The following PDZRN4 variants were observed in gnomAD, a reference collection of about 807,000 sequenced individuals.
The protein encoded by PDZRN4 is PDZ domain-containing RING finger protein 4.
PDZRN4 carries 70 observed loss-of-function variants against 99.0 expected under a neutral mutation model. The ratio of observed to expected loss-of-function variants is 0.71; its 90% CI spans 0.58 to 0.86. PDZRN4 has a LOEUF of 0.86. Ranked by LOEUF, PDZRN4 falls within the 40% of genes least tolerant of loss-of-function variation. PDZRN4 has a pLI of 0.00. For missense variants in PDZRN4, 1,474 were observed against 1,331.2 expected (o/e 1.11, Z -1.67); for synonymous variants, 551 against 501.6 (o/e 1.10, Z -1.32).
rs1474135370 is a variant in PDZRN4 at position 41,494,114 on chromosome 12, G to A, written c.844-12342G>A. Among the ~76,000 whole-genome samples the A allele has an allele frequency of 7.3e-5, 11 of 151,606 alleles. No individual in the cohort carries two copies. In the East Asian group the frequency reaches 1.8e-3, roughly 24 times the overall value. On this transcript the variant is annotated intron_variant, in intron 3 of 9. Transcript: ENST00000402685. Reference sequence around the variant, plus strand: ...CATAAGTTAGAACAATTATCCACACGGTTATGAATGGGGATCAGGCAGTCA... The same window carrying A: ...CATAAGTTAGAACAATTATCCACACAGTTATGAATGGGGATCAGGCAGTCA...
chr12:41,343,711 C>T (rs1951833542), intron 3 of PDZRN4, among the ~76,000 whole-genome samples: 1 of 126,452 alleles, frequency 7.9e-6, no homozygotes, highest in African/African-American at 2.6e-5. Context: ...TTGTATATTA[C>T]AAAAAGGCTA....
At chr12:41,361,507 T>C (rs1434212692) in intron 3 of PDZRN4, among the ~76,000 whole-genome samples, 1 of 152,008 alleles carries the variant, frequency 6.6e-6, no homozygotes, top group African/African-American at 2.4e-5. Context: ...CAAACCTGAT[T>C]TTATTAGTGT....
chr12:41,373,029 G>T (rs1417861499), intron 3 of PDZRN4, among the ~76,000 whole-genome samples: 1 of 152,120 alleles, frequency 6.6e-6, no homozygotes, highest in Non-Finnish European at 1.5e-5. Context: ...GACATCACAT[G>T]TCAGCAGGTT....
At chr12:41,230,599 G>A (rs762407194) in intron 3 of PDZRN4, among the ~76,000 whole-genome samples, 13 of 151,996 alleles carry the variant, frequency 8.6e-5, no homozygotes, top group Non-Finnish European at 1.9e-4. Flanking sequence ...AATAAGGATG[G>A]CCTGTTTTAA....
At chr12:41,564,388 C>G (rs1939326562) in intron 8 of PDZRN4, among the ~76,000 whole-genome samples, 2 of 152,230 alleles carry the variant, frequency 1.3e-5, no homozygotes, top group Admixed American at 1.3e-4. Flanking sequence ...CCTTTTATAT[C>G]CTTTTTATCT....
intron 3 of PDZRN4, among the ~76,000 whole-genome samples, chr12:41,237,787 G>C (rs1186535444): frequency 1.3e-5 from 2 of 152,062 alleles, no homozygotes; most frequent in Admixed American, 6.6e-5. Flanking sequence ...TAGGTGCGTG[G>C]TCTTATTTCT....
At chr12:41,206,103 G>C (rs1359943933) in intron 3 of PDZRN4, among the ~76,000 whole-genome samples, 1 of 151,882 alleles carries the variant, frequency 6.6e-6, no homozygotes, top group East Asian at 1.9e-4. Flanking sequence ...ACCTTCAATG[G>C]AATGGTCAGT....
At chr12:41,389,786 G>A (rs776341609) in intron 3 of PDZRN4, among the ~76,000 whole-genome samples, 1 of 152,156 alleles carries the variant, frequency 6.6e-6, no homozygotes, top group East Asian at 1.9e-4. Context: ...TTCGTGCTGG[G>A]CACAAAGAGG....
chr12:41,208,165 C>A (rs185018603), intron 3 of PDZRN4, among the ~76,000 whole-genome samples: 42 of 151,968 alleles, frequency 2.8e-4, no homozygotes, highest in Non-Finnish European at 5.9e-4. Flanking sequence ...CAGGATTCAA[C>A]TGTTAAATCC....
intron 5 of PDZRN4, among the ~76,000 whole-genome samples, chr12:41,537,630 G>A (rs1039040986): frequency 4.6e-5 from 7 of 152,152 alleles, no homozygotes; most frequent in Non-Finnish European, 1.0e-4. Context: ...CAGTAGTGCT[G>A]TAAGGATGTA....
chr12:41,506,552 A>G lies in PDZRN4; in HGVS notation c.940A>G (p.Thr314Ala), dbSNP rs747656077. ...EPIVVQVLRR[T>A]PLSRPAYGMA... Reference sequence around the variant, plus strand: ...CATTGTGGTGCAGGTGTTAAGGCGAACACCTCTTAGTAGACCAGCCTATGG... The same window carrying G: ...CATTGTGGTGCAGGTGTTAAGGCGAGCACCTCTTAGTAGACCAGCCTATGG... The change falls in exon 4 of 10, where the codon ACA becomes GCA. Residue 314 changes from threonine (T) to alanine (A), a missense_variant. Transcript: ENST00000402685. 3 of 1,613,726 alleles carry G rather than the reference A, an allele frequency of 1.9e-6. No homozygotes were observed. Among genetic ancestry groups the G allele is most frequent in the East Asian group, 2.2e-5 (1 of 44,846 alleles).
chr12:41,555,052 CAAAAAAAAAAAAAAAAAA>C (rs67810817), intron 6 of PDZRN4, among the ~76,000 whole-genome samples: 1 of 113,542 alleles, frequency 8.8e-6, no homozygotes, highest in Admixed American at 9.3e-5. Flanking sequence ...ACTAAAAATA[CAAAAAAAAAAAAAAAAAA>C]AAAAAAAAAA....
At chr12:41,337,612 C>T (rs933683705) in intron 3 of PDZRN4, among the ~76,000 whole-genome samples, 1 of 152,130 alleles carries the variant, frequency 6.6e-6, no homozygotes, top group Admixed American at 6.6e-5. Flanking sequence ...ATTTCATAGA[C>T]TTCCAGTTTG....
intron 3 of PDZRN4, among the ~76,000 whole-genome samples, chr12:41,427,147 T>G (rs570250906): frequency 6.6e-6 from 1 of 152,316 alleles, no homozygotes; most frequent in South Asian, 2.1e-4. Context: ...CCAGTCACTA[T>G]GACACCAACC....
intron 3 of PDZRN4, among the ~76,000 whole-genome samples, chr12:41,328,433 GA>G (rs1444542689): frequency 1.3e-5 from 2 of 152,078 alleles, no homozygotes; most frequent in East Asian, 3.9e-4. Flanking sequence ...AGAGGCTTAG[GA>G]AGCAAGACCA....
intron 3 of PDZRN4, among the ~76,000 whole-genome samples, chr12:41,378,217 G>A (rs1952095765): frequency 6.6e-6 from 1 of 151,988 alleles, no homozygotes; most frequent in Non-Finnish European, 1.5e-5. Flanking sequence ...TGCTTTTTGG[G>A]CATCTACTGA....
chr12:41,296,957 C>CAAAAAA, intron 3 of PDZRN4, among the ~76,000 whole-genome samples: 1 of 152,066 alleles, frequency 6.6e-6, no homozygotes, highest in Admixed American at 6.6e-5. Context: ...GACCCTGACT[C>CAAAAAA]AAAAAACAAA....
intron 5 of PDZRN4, among the ~76,000 whole-genome samples, chr12:41,518,184 G>A (rs1042178216): frequency 1.3e-5 from 2 of 151,832 alleles, no homozygotes; most frequent in African/African-American, 4.8e-5. Context: ...ATAATACTCT[G>A]GTTTCTGGTT....
intron 3 of PDZRN4, among the ~76,000 whole-genome samples, chr12:41,433,581 T>C (rs1206474192): frequency 6.6e-6 from 1 of 152,190 alleles, no homozygotes; most frequent in African/African-American, 2.4e-5. Context: ...AAGATCTGCA[T>C]GTGATAGTGG....
Sources: gnomAD v4.1 joint callset for allele counts (sites outside exome capture counted in the v4.1 genomes callset) on GRCh38, gnomAD v4.1.1 for gene constraint, MANE v1.5 for transcripts, NCBI Gene and HGNC (gene_info 2026-07-23, HGNC 2026-07-21) for gene names.